The following SLC35F2 variants were observed in gnomAD, a reference collection of about 807,000 sequenced individuals.
The protein encoded by SLC35F2 is solute carrier family 35 member F2.
Under a neutral mutation model 38.1 loss-of-function variants are expected in SLC35F2, and 25 were observed. The observed-to-expected ratio is 0.66, with a 90% CI of 0.48 to 0.92. The LOEUF is 0.92. Ranked by LOEUF, SLC35F2 falls within the 40% of genes least tolerant of loss-of-function variation. The probability of loss-of-function intolerance (pLI) is 0.00; values close to 1 mark genes in which losing one functional copy is unlikely to be tolerated. For missense variants in SLC35F2, 409 were observed against 452.9 expected (o/e 0.90, Z 0.88); for synonymous variants, 173 against 181.7 (o/e 0.95, Z 0.38).
At chr11:107,824,162 T>A (rs541367139) in intron 1 of SLC35F2, among the ~76,000 whole-genome samples, 1 of 152,104 alleles carries the variant, frequency 6.6e-6, no homozygotes, top group South Asian at 2.1e-4. Flanking sequence ...AGTCAAATTT[T>A]AAAAAATAGA....
intron 1 of SLC35F2, among the ~76,000 whole-genome samples, chr11:107,833,618 T>G (rs1859885351): frequency 6.6e-6 from 1 of 151,572 alleles, no homozygotes; most frequent in Admixed American, 6.6e-5. Flanking sequence ...CTACTGGCAC[T>G]AAGTAGAGTG....
At chr11:107,834,241 G>C (rs113209334) in intron 1 of SLC35F2, among the ~76,000 whole-genome samples, 4,513 of 152,262 alleles carry the variant, frequency 0.03, 208 homozygotes, top group African/African-American at 0.1. Context: ...GGAGAAGCAA[G>C]GCTAGGTGAT....
chr11:107,798,786 ACTT>A (rs1644592320), intron 7 of SLC35F2, among the ~76,000 whole-genome samples: 2 of 152,200 alleles, frequency 1.3e-5, no homozygotes, highest in Admixed American at 6.6e-5. Context: ...TTTAAAAACT[ACTT>A]CTTGGCCAGG....
intron 1 of SLC35F2, among the ~76,000 whole-genome samples, chr11:107,846,929 CA>C (rs34711328): frequency 1.4e-3 from 197 of 136,788 alleles, no homozygotes; most frequent in Middle Eastern, 7.5e-3. Flanking sequence ...GACTCTGTCT[CA>C]AAAAAAAAAA....
intron 1 of SLC35F2, among the ~76,000 whole-genome samples, chr11:107,823,391 C>T (rs1444405190): frequency 1.3e-5 from 2 of 152,134 alleles, no homozygotes; most frequent in Non-Finnish European, 2.9e-5. Flanking sequence ...GGCAGGATTT[C>T]ATATTAGTGC....
At position 107,827,774 on chromosome 11, in the gene SLC35F2, G is replaced by A. The variant is rs185150908; in HGVS notation, c.111-11809C>T. 3.0e-4 allele frequency among the ~76,000 whole-genome samples: 45 copies of A among 150,372 alleles called. No homozygotes were observed. The Middle Eastern group carries it at 0.014, about 46-fold the overall frequency. ...AAAAAAAAAAAAAAATTAGCTGGGC[G>A]TGGTGGAGCACCCATAATCCCAACT... On this transcript the variant is annotated intron_variant, in intron 1 of 7. Coordinates refer to ENST00000525815, the MANE Select transcript of SLC35F2 (RefSeq NM_017515.5).
chr11:107,832,912 G>C (rs551275067), intron 1 of SLC35F2, among the ~76,000 whole-genome samples: 32 of 152,242 alleles, frequency 2.1e-4, no homozygotes, highest in Non-Finnish European at 3.7e-4. Flanking sequence ...AATCCTTGTG[G>C]CTAATTTGGA....
intron 1 of SLC35F2, among the ~76,000 whole-genome samples, chr11:107,832,285 C>T (rs1338342428): frequency 6.6e-6 from 1 of 152,122 alleles, no homozygotes; most frequent in Non-Finnish European, 1.5e-5. Flanking sequence ...GTTGTTAGTT[C>T]CCGGAACTGG....
At chr11:107,796,980 C>T (rs1038824679) in intron 7 of SLC35F2, among the ~76,000 whole-genome samples, 2 of 151,954 alleles carry the variant, frequency 1.3e-5, no homozygotes, top group Admixed American at 6.6e-5. Flanking sequence ...GCCTAAGGGA[C>T]GTTGTTTAAT....
chr11:107,822,986 T>C (rs80033586), intron 1 of SLC35F2, among the ~76,000 whole-genome samples: 1,892 of 152,198 alleles, frequency 0.012, 58 homozygotes, highest in African/African-American at 0.044. Flanking sequence ...CATATACACA[T>C]ATATATAATA....
intron 1 of SLC35F2, among the ~76,000 whole-genome samples, chr11:107,858,234 C>G (rs1860327615): frequency 6.6e-6 from 1 of 152,244 alleles, no homozygotes; most frequent in African/African-American, 2.4e-5. Flanking sequence ...CGCGCCCAGT[C>G]TGGCTGGCTC....
At chr11:107,808,523 C>T (rs1236581461) in intron 3 of SLC35F2, among the ~76,000 whole-genome samples, 4 of 152,140 alleles carry the variant, frequency 2.6e-5, no homozygotes, top group Non-Finnish European at 5.9e-5. Flanking sequence ...ATTGCTCACC[C>T]TTTTGTTGTT....
chr11:107,817,144 C>T (rs193161559), intron 1 of SLC35F2, among the ~76,000 whole-genome samples: 1 of 152,068 alleles, frequency 6.6e-6, no homozygotes, highest in East Asian at 1.9e-4. Flanking sequence ...GGTGTGGTGG[C>T]AGGCGCCTGT....
In SLC35F2 at chr11:107,802,242, A is replaced by AAAAAAAATAAATAAATAAAT. The variant is rs559048077; in HGVS notation, c.939+758_939+759insATTTATTTATTTATTTTTTT. ...AACAGAGTGAGACTCCATCTCAAAA[A>AAAAAAAATAAATAAATAAAT]AAATAAATAAATAATAAAATAAAAT... On this transcript the variant is annotated intron_variant, in intron 7 of 7. Coordinates refer to ENST00000525815, the MANE Select transcript of SLC35F2 (RefSeq NM_017515.5). Among the ~76,000 whole-genome samples, 753 of 147,964 alleles carry AAAAAAAATAAATAAATAAAT rather than the reference A, an allele frequency of 5.1e-3. 11 individuals are homozygous for AAAAAAAATAAATAAATAAAT. The highest frequency in any genetic ancestry group is 0.017 in the African/African-American group (680 of 39,166).
intron 1 of SLC35F2, among the ~76,000 whole-genome samples, chr11:107,817,941 C>A (rs960014573): frequency 3.3e-5 from 5 of 151,062 alleles, no homozygotes; most frequent in African/African-American, 1.2e-4. Context: ...CCTGTAGTCC[C>A]AGCTACTCAG....
Position 107,851,119 on chromosome 11 carries a change from C to T in SLC35F2, c.110+7539G>A, listed in dbSNP as rs189329318. 1.6e-4 allele frequency among the ~76,000 whole-genome samples: 25 copies of T among 151,900 alleles called. 1 individual carries two copies. Among genetic ancestry groups the T allele is most frequent in the African/African-American group, 4.8e-4 (20 of 41,440 alleles). On this transcript the variant is annotated intron_variant, in intron 1 of 7. Coordinates refer to ENST00000525815, the MANE Select transcript of SLC35F2 (RefSeq NM_017515.5). ...CTCTACTATAAATACAAAAATTAGC[C>T]GGGAGTGGTGGCACGTGCCTGTAGT...
intron 7 of SLC35F2, among the ~76,000 whole-genome samples, chr11:107,799,932 AG>A (rs1859281131): frequency 2.7e-5 from 4 of 148,242 alleles, no homozygotes; most frequent in Non-Finnish European, 5.9e-5. Flanking sequence ...TCTGTTGCCC[AG>A]GCTGGAGTGC....
At chr11:107,814,779 G>A (rs531896193) in intron 2 of SLC35F2, among the ~76,000 whole-genome samples, 27 of 152,154 alleles carry the variant, frequency 1.8e-4, no homozygotes, top group Non-Finnish European at 3.4e-4. Flanking sequence ...CCTGGGCAAC[G>A]TGGTGAAACC....
At chr11:107,821,124 G>A (rs116189715) in intron 1 of SLC35F2, among the ~76,000 whole-genome samples, 3 of 152,150 alleles carry the variant, frequency 2.0e-5, no homozygotes, top group African/African-American at 7.2e-5. Flanking sequence ...TAACCAAGTG[G>A]CTGATAACCT....
Sources: gnomAD v4.1 joint callset for allele counts (sites outside exome capture counted in the v4.1 genomes callset) on GRCh38, gnomAD v4.1.1 for gene constraint, MANE v1.5 for transcripts, NCBI Gene and HGNC (gene_info 2026-07-23, HGNC 2026-07-21) for gene names.